ARHGAP6: variants seen among roughly 807,000 people sequenced by gnomAD.
ARHGAP6 encodes rho GTPase-activating protein 6.
Under a neutral mutation model 55.7 loss-of-function variants are expected in ARHGAP6, and 16 were observed. That is an observed-to-expected ratio of 0.29 (90% CI 0.19 to 0.44). The LOEUF (loss-of-function observed/expected upper bound fraction) is 0.44. ARHGAP6 is among the 20% of genes least tolerant of loss of function. The pLI is 1.00. For synonymous variants in ARHGAP6, 382 were observed against 360.9 expected (o/e 1.06, Z -0.66); for missense variants, 698 against 808.9 (o/e 0.86, Z 1.66).
intron 1 of ARHGAP6, among the ~76,000 whole-genome samples, chrX:11,285,503 T>C (rs2047911433): frequency 8.9e-6 from 1 of 112,129 alleles, no homozygotes; most frequent in African/African-American, 3.2e-5. Context: ...AATGACAACC[T>C]ACTTGTAAAC....
Position 11,139,544 on chromosome X carries a change from A to ATTTC in ARHGAP6, c.2258-15_2258-14insGAAA. 1 of 1,128,412 alleles carries ATTTC rather than the reference A, an allele frequency of 8.9e-7. No individual in the cohort carries two copies. Among genetic ancestry groups the ATTTC allele is most frequent in the Non-Finnish European group, 1.2e-6 (1 of 856,161 alleles). 93.0% of individuals were successfully genotyped at this position (1,128,412 alleles called of 1,213,427 possible). On this transcript the variant is annotated splice_polypyrimidine_tract_variant and intron_variant, in intron 12 of 12. Coordinates refer to ENST00000337414, the MANE Select transcript of ARHGAP6 (RefSeq NM_013427.3). ...CTCCAGAGGAACCTGGAAGCCAGAG[A>ATTTC]GAAAGCCCAAGAAATGGAATCAGTT...
At chrX:11,222,328 T>A (rs1204955747) in intron 2 of ARHGAP6, among the ~76,000 whole-genome samples, 1 of 112,153 alleles carries the variant, frequency 8.9e-6, no homozygotes, top group Admixed American at 9.5e-5. Context: ...ATATAAGCAG[T>A]ATATTTGGAA....
chrX:11,630,692 G>T (rs2052351108), intron 1 of ARHGAP6, among the ~76,000 whole-genome samples: 1 of 112,141 alleles, frequency 8.9e-6, no homozygotes, highest in Non-Finnish European at 1.9e-5. Context: ...GACAGGCGGA[G>T]AATGAGTAGG....
chrX:11,379,072 G>A (rs2049234221), intron 1 of ARHGAP6, among the ~76,000 whole-genome samples: 1 of 112,439 alleles, frequency 8.9e-6, no homozygotes, highest in Non-Finnish European at 1.9e-5. Context: ...CATCTGCAGG[G>A]GGCTGTGCTC....
chrX:11,363,339 A>C (rs758626292), intron 1 of ARHGAP6, among the ~76,000 whole-genome samples: 7 of 112,180 alleles, frequency 6.2e-5, no homozygotes, highest in African/African-American at 2.3e-4. Context: ...CCACCACACA[A>C]AACAGTCCCA....
At chrX:11,528,314 C>G (rs1448622189) in intron 1 of ARHGAP6, among the ~76,000 whole-genome samples, 3 of 111,972 alleles carry the variant, frequency 2.7e-5, no homozygotes, top group Non-Finnish European at 5.6e-5. Context: ...TTCTGTGGCA[C>G]GTTTAGATAA....
intron 2 of ARHGAP6, among the ~76,000 whole-genome samples, chrX:11,246,040 C>T (rs185331304): frequency 3.4e-3 from 374 of 111,409 alleles, no homozygotes; most frequent in Non-Finnish European, 5.4e-3. Context: ...GTTGAAGTTT[C>T]ACTCTGGTGA....
At chrX:11,636,135 C>T (rs1427968624) in intron 1 of ARHGAP6, among the ~76,000 whole-genome samples, 1 of 111,436 alleles carries the variant, frequency 9.0e-6, no homozygotes, top group Non-Finnish European at 1.9e-5. Context: ...TTAACAGGGA[C>T]AATTCAGGTT....
chrX:11,485,975 T>G (rs1177190407), intron 1 of ARHGAP6, among the ~76,000 whole-genome samples: 1 of 112,129 alleles, frequency 8.9e-6, no homozygotes, highest in Non-Finnish European at 1.9e-5. Flanking sequence ...GATATTTTAT[T>G]TGATAGCATA....
Position 11,225,944 on chromosome X carries a change from C to T in ARHGAP6, c.748+28604G>A, listed in dbSNP as rs756043381. Among the ~76,000 whole-genome samples the T allele has an allele frequency of 2.0e-3, 218 of 108,936 alleles. 1 individual carries two copies. Among genetic ancestry groups the T allele is most frequent in the African/African-American group, 6.4e-3 (191 of 29,949 alleles). 94.6% of individuals were successfully genotyped at this position (108,936 alleles called of 115,157 possible). A position where few individuals can be genotyped will look rare whatever the true frequency, so the allele number is the denominator to read the frequency against. ...TGACTTCTAGGATTTATAGTTTTTACTTTTTTCACCAAACAACAAATTCAT... is the reference window on the plus strand; with the variant it reads ...TGACTTCTAGGATTTATAGTTTTTATTTTTTTCACCAAACAACAAATTCAT... On this transcript the variant is annotated intron_variant, in intron 2 of 12. Coordinates refer to ENST00000337414, the MANE Select transcript of ARHGAP6 (RefSeq NM_013427.3).
At chrX:11,158,725 T>C (rs147427156) in intron 9 of ARHGAP6, among the ~76,000 whole-genome samples, 256 of 112,378 alleles carry the variant, frequency 2.3e-3, no homozygotes, top group Middle Eastern at 0.014. Flanking sequence ...ACACAAGCTC[T>C]ACTTCAGCAC....
At chrX:11,341,709 C>A (rs1379999570) in intron 1 of ARHGAP6, among the ~76,000 whole-genome samples, 1 of 111,956 alleles carries the variant, frequency 8.9e-6, no homozygotes, top group Non-Finnish European at 1.9e-5. Flanking sequence ...CACAGCTGAA[C>A]AATGTTTCTT....
At chrX:11,615,936 C>A (rs7472739) in intron 1 of ARHGAP6, among the ~76,000 whole-genome samples, 16,775 of 111,194 alleles carry the variant, frequency 0.15, 1,278 homozygotes, top group Non-Finnish European at 0.24. Context: ...AGAATTCAAA[C>A]CCAACCCTTC....
intron 1 of ARHGAP6, among the ~76,000 whole-genome samples, chrX:11,451,824 C>T (rs1023317751): frequency 1.8e-5 from 2 of 112,150 alleles, no homozygotes; most frequent in African/African-American, 6.5e-5. Flanking sequence ...ATGATGTCTT[C>T]CCTGGCATTT....
chrX:11,605,481 G>A (rs1365438206), intron 1 of ARHGAP6, among the ~76,000 whole-genome samples: 5 of 111,499 alleles, frequency 4.5e-5, no homozygotes, highest in African/African-American at 9.8e-5. Context: ...GGCAGTGGGC[G>A]TGGCAGCTAA....
chrX:11,339,244 A>G (rs1173054138), intron 1 of ARHGAP6, among the ~76,000 whole-genome samples: 1 of 111,993 alleles, frequency 8.9e-6, no homozygotes, highest in Non-Finnish European at 1.9e-5. Flanking sequence ...TTGGAATCAC[A>G]GTGCATCTGA....
intron 1 of ARHGAP6, among the ~76,000 whole-genome samples, chrX:11,555,049 G>A (rs903483458): frequency 8.9e-6 from 1 of 111,946 alleles, no homozygotes; most frequent in East Asian, 2.8e-4. Flanking sequence ...TGTTCTGAAG[G>A]GGCTCACACA....
chrX:11,361,364 T>C (rs1219431932), intron 1 of ARHGAP6, among the ~76,000 whole-genome samples: 1 of 110,629 alleles, frequency 9.0e-6, no homozygotes, highest in Non-Finnish European at 1.9e-5. Context: ...TCTACAACTA[T>C]CTGATCTTTG....
In ARHGAP6 at chrX:11,460,627, T is replaced by A. The variant is rs898590229; in HGVS notation, c.588+203614A>T. The stretch of plus-strand genomic sequence containing the variant: ...TTTAACATTTATTGAGATCCTGCTG[T>A]GTGTACCACTCCAGAATAGCTTCCT... On this transcript the variant is annotated intron_variant, in intron 1 of 12. Transcript: ENST00000337414. Among the ~76,000 whole-genome samples, 20 of 112,310 alleles carry A rather than the reference T, an allele frequency of 1.8e-4. No individual in the cohort carries two copies. The South Asian group carries it at 2.3e-3, about 13-fold the overall frequency.
Sources: gnomAD v4.1 joint callset for allele counts (sites outside exome capture counted in the v4.1 genomes callset) on GRCh38, gnomAD v4.1.1 for gene constraint, MANE v1.5 for transcripts, NCBI Gene and HGNC (gene_info 2026-07-23, HGNC 2026-07-21) for gene names.